Variants in DOHH observed in about 807,000 individuals in gnomAD.
DOHH encodes deoxyhypusine hydroxylase, also known as HEAT-like (PBS lyase) repeat containing 1.
Under a neutral mutation model 19.9 loss-of-function variants are expected in DOHH, and 16 were observed. That is an observed-to-expected ratio of 0.80 (90% CI 0.54 to 1.22). The LOEUF is 1.22. Among genes scored for constraint, DOHH ranks in the 50% most tolerant of loss-of-function variants. The probability of loss-of-function intolerance (pLI) is 0.00; values close to 1 mark genes in which losing one functional copy is unlikely to be tolerated. For synonymous variants in DOHH, 233 were observed against 217.0 expected (o/e 1.07, Z -0.65); for missense variants, 460 against 460.6 (o/e 1.00, Z 0.01).
In DOHH at chr19:3,491,286, G is replaced by T; in HGVS notation, c.*206C>A. ...CTTCCACGCTACAGCCCTGCGCCAG[G>T]CCCCGAGGAGCAGTCAGGGGACTCA... On this transcript the variant is annotated 3_prime_UTR_variant, in exon 5 of 5. Transcript: ENST00000427575. The surrounding 1 kb of genome is among the most constrained non-coding windows in gnomAD (Gnocchi z 5.6). 1 of 611,708 alleles carries T rather than the reference G, an allele frequency of 1.6e-6. No individual in the cohort carries two copies. The highest frequency in any genetic ancestry group is 2.8e-6 in the Non-Finnish European group (1 of 355,372). The allele number at this position is 611,708 out of a possible 1,614,324, so 37.9% of individuals were successfully genotyped here. A position where few individuals can be genotyped will look rare whatever the true frequency, so the allele number is the denominator to read the frequency against.
In DOHH at chr19:3,496,762, T is replaced by C. The variant is rs756904433; in HGVS notation, c.53A>G (p.Lys18Arg). 6 of 1,608,242 alleles carry C rather than the reference T, an allele frequency of 3.7e-6. No homozygotes were observed. In the South Asian group the frequency reaches 4.4e-5, roughly 12 times the overall value. The change falls in exon 2 of 5, where the codon AAG becomes AGG. Residue 18 changes from lysine (K) to arginine (R), a missense_variant. Physicochemically the swap from Lys to Arg is conservative, Grantham distance 26. Transcript: ENST00000427575. This position sits in a 1 kb window ranked among gnomAD's most constrained non-coding sequence, Gnocchi z 4.8. ...DAIGQTLVDPKQPLQARFRAL... is the reference protein window; with the variant it reads ...DAIGQTLVDPRQPLQARFRAL... ...CCGGAAGCGGGCCTGCAGGGGCTGC[T>C]TGGGGTCCACCAGCGTCTGCCCGAT...
chr19:3,493,177 C>T (rs1047728614), intron 3 of DOHH, among the ~76,000 whole-genome samples: 13 of 152,236 alleles, frequency 8.5e-5, no homozygotes, highest in African/African-American at 3.1e-4. Context: ...ACGGGCCGGC[C>T]GAAGCGGCTC....
intron 1 of DOHH, among the ~76,000 whole-genome samples, chr19:3,499,113 C>T (rs1210108220): frequency 6.6e-6 from 1 of 152,174 alleles, no homozygotes; most frequent in African/African-American, 2.4e-5. Context: ...CTCTCTTCCT[C>T]CCCAGTTAAT....
Position 3,496,184 on chromosome 19 carries a change from G to C in DOHH, c.274+357C>G, listed in dbSNP as rs1370123578. Among the ~76,000 whole-genome samples the C allele has an allele frequency of 6.6e-6, 1 of 151,936 alleles. No homozygotes were observed. Among genetic ancestry groups the C allele is most frequent in the African/African-American group, 2.4e-5 (1 of 41,396 alleles). ...ATGCCACCATGCCTGGCTAATTTTTGTATTTTTTCTAGAGACAGGGTTTTG... is the reference window on the plus strand; with the variant it reads ...ATGCCACCATGCCTGGCTAATTTTTCTATTTTTTCTAGAGACAGGGTTTTG... On this transcript the variant is annotated intron_variant, in intron 2 of 4. Transcript: ENST00000427575. The surrounding 1 kb of genome is among the most constrained non-coding windows in gnomAD (Gnocchi z 4.8).
chr19:3,493,582 G>C (rs1480908236), intron 3 of DOHH, among the ~76,000 whole-genome samples: 1 of 151,868 alleles, frequency 6.6e-6, no homozygotes, highest in Non-Finnish European at 1.5e-5. Context: ...CTGCACTCCA[G>C]CCTGGGCGAC....
Position 3,496,397 on chromosome 19 carries a change from G to C in DOHH, c.274+144C>G. On this transcript the variant is annotated intron_variant, in intron 2 of 4. Coordinates refer to ENST00000427575, the MANE Select transcript of DOHH (RefSeq NM_001145165.2). The surrounding 1 kb of genome is among the most constrained non-coding windows in gnomAD (Gnocchi z 4.8). ...TTTATTGAGTCGCTGTCTGGCTGCA[G>C]AGCTGCAGGTATTTACTATCTGGTG... is the stretch of plus-strand genomic sequence containing the variant. The C allele has an allele frequency of 8.0e-7, 1 of 1,257,164 alleles. No individual in the cohort carries two copies. The highest frequency in any genetic ancestry group is 1.1e-6 in the Non-Finnish European group (1 of 910,186). The allele number at this position is 1,257,164 out of a possible 1,614,324, so 77.9% of individuals were successfully genotyped here.
In DOHH at chr19:3,491,539, A is replaced by G; in HGVS notation, c.862T>C (p.Phe288Leu). 6.5e-7 allele frequency: 1 copy of G among 1,535,648 alleles called. No homozygotes were observed. Among genetic ancestry groups the G allele is most frequent in the Non-Finnish European group, 8.7e-7 (1 of 1,146,712 alleles). Reference sequence around the variant, plus strand: ...TGCTCCAGGCCGTCCGCGTACTGGAAGGCCCGCCCGGTCTCGTGCTCATAC... The same window carrying G: ...TGCTCCAGGCCGTCCGCGTACTGGAGGGCCCGCCCGGTCTCGTGCTCATAC... ...DMYEHETGRA[F>L]QYADGLEQLR... Residue 288 changes from phenylalanine to leucine, a missense_variant, in exon 5 of 5, where the codon TTC becomes CTC. Coordinates refer to ENST00000427575, the MANE Select transcript of DOHH (RefSeq NM_001145165.2). The surrounding 1 kb of genome is among the most constrained non-coding windows in gnomAD (Gnocchi z 5.6).
At chr19:3,493,128 TCCACA>T (rs1490535567) in intron 3 of DOHH, among the ~76,000 whole-genome samples, 5 of 151,942 alleles carry the variant, frequency 3.3e-5, no homozygotes, top group African/African-American at 4.8e-5. Flanking sequence ...GCATGGGCCG[TCCACA>T]CCACGGAACG....
At position 3,496,395 on chromosome 19, in the gene DOHH, C is replaced by T. The variant is rs974445828; in HGVS notation, c.274+146G>A. ...GCTTTATTGAGTCGCTGTCTGGCTG[C>T]AGAGCTGCAGGTATTTACTATCTGG... On this transcript the variant is annotated intron_variant, in intron 2 of 4. Transcript: ENST00000427575. The surrounding 1 kb of genome is among the most constrained non-coding windows in gnomAD (Gnocchi z 4.8). 2 of 1,242,700 alleles carry T rather than the reference C, an allele frequency of 1.6e-6. No homozygotes were observed. Among genetic ancestry groups the T allele is most frequent in the African/African-American group, 3.0e-5 (2 of 66,704 alleles). 77.0% of individuals were successfully genotyped at this position (1,242,700 alleles called of 1,614,324 possible).
chr19:3,496,864 T>C lies in DOHH; in HGVS notation c.-50A>G. The C allele has an allele frequency of 7.0e-7, 1 of 1,428,394 alleles. No individual in the cohort carries two copies. The highest frequency in any genetic ancestry group is 2.5e-5 in the East Asian group (1 of 40,546). The allele number at this position is 1,428,394 out of a possible 1,614,324, so 88.5% of individuals were successfully genotyped here. On this transcript the variant is annotated 5_prime_UTR_variant, in exon 2 of 5. Transcript: ENST00000427575. The surrounding 1 kb of genome is among the most constrained non-coding windows in gnomAD (Gnocchi z 4.8). ...TCCACAACCCTGCTCAGGCTAAACC[T>C]GGGGACGCGGGGATGTAAGAACCTG...
rs2082875109 is a variant in DOHH at position 3,492,251 on chromosome 19, C to T, written c.589+11G>A. Reference sequence around the variant, plus strand: ...ACTGCCCAGGACCCCACCCCAGAAGCCCCTCCTCACCCTCGGCCAGCGCCA... The same window carrying T: ...ACTGCCCAGGACCCCACCCCAGAAGTCCCTCCTCACCCTCGGCCAGCGCCA... On this transcript the variant is annotated intron_variant, in intron 4 of 4. Coordinates refer to ENST00000427575, the MANE Select transcript of DOHH (RefSeq NM_001145165.2). 3 of 1,457,842 alleles carry T rather than the reference C, an allele frequency of 2.1e-6. No individual in the cohort carries two copies. The highest frequency in any genetic ancestry group is 1.8e-6 in the Non-Finnish European group (2 of 1,115,508). The allele number at this position is 1,457,842 out of a possible 1,614,324, so 90.3% of individuals were successfully genotyped here. A position where few individuals can be genotyped will look rare whatever the true frequency, so the allele number is the denominator to read the frequency against.
intron 2 of DOHH, 141 bp from the exon 3 acceptor site, chr19:3,494,245 C>A: frequency 1.5e-6 from 1 of 687,172 alleles, no homozygotes; most frequent in Non-Finnish European, 2.4e-6. Context: ...CTGATTGGAG[C>A]AGCAGTCGGT....
intron 2 of DOHH, 83 bp from the exon 3 acceptor site, chr19:3,494,187 C>A: frequency 7.9e-7 from 1 of 1,263,088 alleles, no homozygotes; most frequent in Admixed American, 2.0e-5. Flanking sequence ...CGGAGGACAC[C>A]CCTCCCAGGG....
intron 4 of DOHH, 90 bp downstream of exon 4, chr19:3,492,172 G>T: frequency 1.7e-6 from 2 of 1,210,240 alleles, no homozygotes; most frequent in Non-Finnish European, 1.1e-6. Flanking sequence ...CCGTTCCCGG[G>T]GGCAGGCCGC....
In DOHH at chr19:3,491,729, C is replaced by A; in HGVS notation, c.672G>T (p.Gln224His). ...TGCATCGGGCCAGGGCGGCCGCCAGCTGGGGCACCGCCGCCTCGTGCTGCA... is the reference window on the plus strand; with the variant it reads ...TGCATCGGGCCAGGGCGGCCGCCAGATGGGGCACCGCCGCCTCGTGCTGCA... The part of the protein sequence containing the change: ...GQLQHEAAVP[Q>H]LAAALARCTE... The change falls in exon 5 of 5, where the codon CAG (glutamine) becomes CAT (histidine). Residue 224 changes from glutamine (Q) to histidine (H), a missense_variant. By Grantham distance (24) the Gln-to-His change is conservative (BLOSUM62 0). Coordinates refer to ENST00000427575, the MANE Select transcript of DOHH (RefSeq NM_001145165.2). This position sits in a 1 kb window ranked among gnomAD's most constrained non-coding sequence, Gnocchi z 5.6. 1 of 1,506,692 alleles carries A rather than the reference C, an allele frequency of 6.6e-7. No homozygotes were observed. The highest frequency in any genetic ancestry group is 8.8e-7 in the Non-Finnish European group (1 of 1,131,748). 93.3% of individuals were successfully genotyped at this position (1,506,692 alleles called of 1,614,324 possible).
In DOHH at chr19:3,491,680, C is replaced by A; in HGVS notation, c.721G>T (p.Glu241Ter). The change falls in exon 5 of 5, where the codon GAG (glutamate) becomes TAG (stop). Residue 241 changes from glutamate (E) to a stop codon, truncating the protein, a stop_gained. Transcript: ENST00000427575. LOFTEE classifies it low-confidence loss of function (END_TRUNC). This position sits in a 1 kb window ranked among gnomAD's most constrained non-coding sequence, Gnocchi z 5.6. The stretch of plus-strand genomic sequence containing the variant: ...ATGGCGCCCAGGGCCTCCGCGCACT[C>A]GTGCCGCACCATGGGGTTCTCGGTG... ...RCTENPMVRH[E>*]CAEALGAIAR... The A allele has an allele frequency of 6.5e-7, 1 of 1,532,100 alleles. No homozygotes were observed. Among genetic ancestry groups the A allele is most frequent in the Non-Finnish European group, 8.8e-7 (1 of 1,142,822 alleles). The allele number at this position is 1,532,100 out of a possible 1,614,324, so 94.9% of individuals were successfully genotyped here. A position where few individuals can be genotyped will look rare whatever the true frequency, so the allele number is the denominator to read the frequency against.
chr19:3,491,775 A>G lies in DOHH; in HGVS notation c.626T>C (p.Val209Ala). The G allele has an allele frequency of 6.6e-7, 1 of 1,507,528 alleles. No homozygotes were observed. The highest frequency in any genetic ancestry group is 2.6e-5 in the East Asian group (1 of 38,838). 93.4% of individuals were successfully genotyped at this position (1,507,528 alleles called of 1,614,324 possible). ...CTGCAGCTGTCCCAGGACGTAGCCG[A>G]CCTCGTGGCGGAAGAGGGCGCTCCC... ...HCGSALFRHE[V>A]GYVLGQLQHE... The change falls in exon 5 of 5, where the codon GTC becomes GCC. Residue 209 changes from valine (V) to alanine (A), a missense_variant. Transcript: ENST00000427575. The surrounding 1 kb of genome is among the most constrained non-coding windows in gnomAD (Gnocchi z 5.6).
rs141419837 is a variant in DOHH, at chr19:3,496,710, G to A, written c.105C>T (p.Gly35=). ...TGATCCATGCAATGGCGCCTGGGCC[G>A]CCGAGCCCACGCAGCGTGAACAGCG... is the stretch of plus-strand genomic sequence containing the variant. ...FRALFTLRGL[G]GPGAIAWISQ... is the part of the protein sequence containing the mutation. Residue 35 remains glycine (G), a synonymous_variant, in exon 2 of 5, where the codon GGC becomes GGT. Coordinates refer to ENST00000427575, the MANE Select transcript of DOHH (RefSeq NM_001145165.2). This position sits in a 1 kb window ranked among gnomAD's most constrained non-coding sequence, Gnocchi z 4.8. 2.2e-5 allele frequency: 36 copies of A among 1,613,278 alleles called. No homozygotes were observed. Among genetic ancestry groups the A allele is most frequent in the Admixed American group, 1.3e-4 (8 of 59,980 alleles).
chr19:3,492,247 GAA>G lies in DOHH; in HGVS notation c.589+13_589+14del. The G allele has an allele frequency of 6.9e-7, 1 of 1,457,008 alleles. No individual in the cohort carries two copies. Among genetic ancestry groups the G allele is most frequent in the Non-Finnish European group, 9.0e-7 (1 of 1,115,122 alleles). 90.3% of individuals were successfully genotyped at this position (1,457,008 alleles called of 1,614,324 possible). On this transcript the variant is annotated intron_variant, in intron 4 of 4. Coordinates refer to ENST00000427575, the MANE Select transcript of DOHH (RefSeq NM_001145165.2). Reference sequence around the variant, plus strand: ...AGGCACTGCCCAGGACCCCACCCCAGAAGCCCCTCCTCACCCTCGGCCAGCGC... The same window carrying G: ...AGGCACTGCCCAGGACCCCACCCCAGGCCCCTCCTCACCCTCGGCCAGCGC...
Sources: gnomAD v4.1 joint callset for allele counts (sites outside exome capture counted in the v4.1 genomes callset) on GRCh38, gnomAD v4.1.1 for gene constraint, Gnocchi (gnomAD v3.1) non-coding constraint, MANE v1.5 for transcripts, NCBI Gene and HGNC (gene_info 2026-07-23, HGNC 2026-07-21) for gene names.